The following PRKN variants were observed in gnomAD, a reference collection of about 807,000 sequenced individuals.
PRKN encodes parkin RBR E3 ubiquitin protein ligase.
Under a neutral mutation model 59.5 loss-of-function variants are expected in PRKN, and 56 were observed. The observed-to-expected ratio is 0.94, with a 90% CI of 0.76 to 1.18. PRKN has a LOEUF of 1.18. Ranked by LOEUF, PRKN falls within the 50% of genes most tolerant of loss-of-function variation. The pLI is 0.00. For missense variants in PRKN, 657 were observed against 596.4 expected, an observed-to-expected ratio of 1.10 and a Z score of -1.06; for synonymous variants, 250 against 222.1, an observed-to-expected ratio of 1.13 and a Z score of -1.12.
At chr6:162,385,550 A>G (rs965197424) in intron 2 of PRKN, among the ~76,000 whole-genome samples, 7 of 152,212 alleles carry the variant, frequency 4.6e-5, no homozygotes, top group African/African-American at 1.7e-4. Context: ...CCCAAACATC[A>G]AATGTGACAC....
intron 6 of PRKN, among the ~76,000 whole-genome samples, chr6:161,921,127 A>G (rs1225962692): frequency 1.3e-5 from 2 of 152,126 alleles, no homozygotes; most frequent in South Asian, 2.1e-4. Context: ...TCTGTATTCT[A>G]TATGCTTTTT....
At chr6:162,586,484 A>G (rs537222208) in intron 1 of PRKN, among the ~76,000 whole-genome samples, 1 of 152,246 alleles carries the variant, frequency 6.6e-6, no homozygotes, top group African/African-American at 2.4e-5. Context: ...ACTGAGACAC[A>G]TTATCACCCC....
chr6:161,395,316 C>T lies in PRKN; in HGVS notation c.1084-8439G>A, dbSNP rs542234565. ...GCACACGGAGAGCTGCTCCATTCTT[C>T]CTGAACAGCCACACAATATTCCAGT... On this transcript the variant is annotated intron_variant, in intron 9 of 11. Transcript: ENST00000366898. This position sits in a 1 kb window ranked among gnomAD's most constrained non-coding sequence, Gnocchi z 5.0. Among the ~76,000 whole-genome samples, 1 of 152,300 alleles carries T rather than the reference C, an allele frequency of 6.6e-6. No homozygotes were observed. The highest frequency in any genetic ancestry group is 2.4e-5 in the African/African-American group (1 of 41,552).
intron 5 of PRKN, among the ~76,000 whole-genome samples, chr6:161,994,928 A>AG: frequency 6.6e-6 from 1 of 152,014 alleles, no homozygotes; most frequent in Non-Finnish European, 1.5e-5. Flanking sequence ...GAAATAGAAA[A>AG]AAAAAAAACA....
rs148899515 is a variant in PRKN, at chr6:161,625,402, G to A, written c.872-55986C>T. On this transcript the variant is annotated intron_variant, in intron 7 of 11. Coordinates refer to ENST00000366898, the MANE Select transcript of PRKN (RefSeq NM_004562.3). Reference sequence around the variant, plus strand: ...CAGAGGAAGGGGAACATCACACATCGGGGCTGGTTGGGGGATGGGGGCCTG... The same window carrying A: ...CAGAGGAAGGGGAACATCACACATCAGGGCTGGTTGGGGGATGGGGGCCTG... Among the ~76,000 whole-genome samples the A allele has an allele frequency of 1.8e-3, 274 of 151,764 alleles. 1 individual carries two copies. The highest frequency in any genetic ancestry group is 3.0e-3 in the Non-Finnish European group (205 of 67,930).
At chr6:161,441,987 G>A (rs1789259032) in intron 9 of PRKN, among the ~76,000 whole-genome samples, 1 of 152,192 alleles carries the variant, frequency 6.6e-6, no homozygotes, top group Non-Finnish European at 1.5e-5. Context: ...AAGCAGGGAG[G>A]ACATCGCCAA....
At chr6:161,632,802 G>T (rs866093960) in intron 7 of PRKN, among the ~76,000 whole-genome samples, 15 of 152,280 alleles carry the variant, frequency 9.9e-5, no homozygotes, top group Middle Eastern at 6.8e-3. Flanking sequence ...GAGCAAAGGT[G>T]GGGGATACCC....
chr6:161,356,076 A>G lies in PRKN; in HGVS notation c.1285+4012T>C, dbSNP rs1362390751. 6.6e-6 allele frequency among the ~76,000 whole-genome samples: 1 copy of G among 152,222 alleles called. No homozygotes were observed. Among genetic ancestry groups the G allele is most frequent in the East Asian group, 1.9e-4 (1 of 5,198 alleles). On this transcript the variant is annotated intron_variant, in intron 11 of 11. Transcript: ENST00000366898. The surrounding 1 kb of genome is among the most constrained non-coding windows in gnomAD (Gnocchi z 7.8). ...GAATTTCGTTAGTGGGTTGGGTATTATGACCAACCAGTAGTCATGGGACAT... is the reference window on the plus strand; with the variant it reads ...GAATTTCGTTAGTGGGTTGGGTATTGTGACCAACCAGTAGTCATGGGACAT...
At chr6:162,050,228 T>C (rs1777576688) in intron 5 of PRKN, among the ~76,000 whole-genome samples, 1 of 152,198 alleles carries the variant, frequency 6.6e-6, no homozygotes, top group Non-Finnish European at 1.5e-5. Flanking sequence ...GAGTTAATAC[T>C]TGCCTGGATT....
chr6:162,339,050 G>T (rs866355622), intron 2 of PRKN, among the ~76,000 whole-genome samples: 2 of 146,730 alleles, frequency 1.4e-5, no homozygotes, highest in African/African-American at 5.0e-5. Context: ...GAGCCCCTCC[G>T]CCCGGCAGCC....
At chr6:161,857,855 C>T (rs1304913051) in intron 6 of PRKN, among the ~76,000 whole-genome samples, 1 of 152,162 alleles carries the variant, frequency 6.6e-6, no homozygotes, top group Non-Finnish European at 1.5e-5. Context: ...GAGGAAGACA[C>T]AACTTCATGG....
chr6:162,636,668 C>T (rs924570767), intron 1 of PRKN, among the ~76,000 whole-genome samples: 2 of 152,104 alleles, frequency 1.3e-5, no homozygotes, highest in African/African-American at 4.8e-5. Flanking sequence ...GTGAATGAAA[C>T]GGAAATGAAA....
chr6:162,183,371 G>A (rs1783883789), intron 4 of PRKN, among the ~76,000 whole-genome samples: 1 of 152,162 alleles, frequency 6.6e-6, no homozygotes, highest in African/African-American at 2.4e-5. Context: ...AGGCCACATG[G>A]AGCTGTTTCC....
intron 6 of PRKN, among the ~76,000 whole-genome samples, chr6:161,845,412 C>G (rs1196569030): frequency 2.0e-5 from 3 of 152,306 alleles, no homozygotes; most frequent in Admixed American, 2.0e-4. Context: ...TCCCAAAGAG[C>G]TGGTCATGAA....
intron 7 of PRKN, among the ~76,000 whole-genome samples, chr6:161,614,240 T>C (rs907780822): frequency 6.6e-6 from 1 of 152,232 alleles, no homozygotes; most frequent in Non-Finnish European, 1.5e-5. Context: ...GTAGCTGCAT[T>C]CGTGTTTAAT....
intron 4 of PRKN, among the ~76,000 whole-genome samples, chr6:162,116,879 T>A (rs1415809492): frequency 6.6e-6 from 1 of 152,160 alleles, no homozygotes; most frequent in African/African-American, 2.4e-5. Context: ...ACTGCAAAGA[T>A]CAAATAATAA....
At chr6:162,128,466 A>G (rs1322694968) in intron 4 of PRKN, among the ~76,000 whole-genome samples, 1 of 152,160 alleles carries the variant, frequency 6.6e-6, no homozygotes, top group Admixed American at 6.6e-5. Context: ...AAAAAGTGAG[A>G]GAGATGGGAA....
intron 6 of PRKN, among the ~76,000 whole-genome samples, chr6:161,837,907 T>C (rs1380132126): frequency 6.6e-6 from 1 of 152,176 alleles, no homozygotes; most frequent in African/African-American, 2.4e-5. Flanking sequence ...GAAGCAAGCA[T>C]AATAGGTCTT....
Position 161,470,931 on chromosome 6 carries a change from A to G in PRKN, c.1083+77923T>C, listed in dbSNP as rs995549745. Among the ~76,000 whole-genome samples the G allele has an allele frequency of 6.6e-6, 1 of 152,232 alleles. No homozygotes were observed. The highest frequency in any genetic ancestry group is 1.5e-5 in the Non-Finnish European group (1 of 68,034). ...GGTCTGGGCTGACTCTCCCAGTTCC[A>G]CTAAGTTCTGGTAAAGAATTCTGAG... On this transcript the variant is annotated intron_variant, in intron 9 of 11. Coordinates refer to ENST00000366898, the MANE Select transcript of PRKN (RefSeq NM_004562.3). The surrounding 1 kb of genome is among the most constrained non-coding windows in gnomAD (Gnocchi z 5.1).
Sources: allele counts gnomAD v4.1 joint callset (sites outside exome capture counted in the v4.1 genomes callset), GRCh38; gene constraint gnomAD v4.1.1; non-coding constraint Gnocchi (gnomAD v3.1); transcripts MANE v1.5; gene names NCBI Gene and HGNC (gene_info 2026-07-23, HGNC 2026-07-21).